The following ATP2B1 variants were observed in gnomAD, a reference collection of about 807,000 sequenced individuals.
ATP2B1 encodes plasma membrane calcium-transporting ATPase 1.
A neutral mutation model predicts 124.2 loss-of-function variants in ATP2B1; 14 were observed. That is an observed-to-expected ratio of 0.11 (90% confidence interval 0.07 to 0.18). ATP2B1 has a LOEUF of 0.18. Among genes scored for constraint, ATP2B1 ranks in the 10% least tolerant of loss-of-function variants. ATP2B1 has a pLI of 1.00. For synonymous variants in ATP2B1, 449 were observed against 492.4 expected (o/e 0.91, Z 1.17); for missense variants, 763 against 1,466.1 (o/e 0.52, Z 7.83).
chr12:89,626,700 T>A, intron 7 of ATP2B1, 85 bp from the exon 8 acceptor site: 1 of 1,446,642 alleles, frequency 6.9e-7, no homozygotes, highest in East Asian at 2.4e-5. Context: ...AAAAATCAGT[T>A]TCTTACAGAA....
At chr12:89,608,994 C>G (rs1240894188) in intron 15 of ATP2B1, among the ~76,000 whole-genome samples, 1 of 152,176 alleles carries the variant, frequency 6.6e-6, no homozygotes, top group African/African-American at 2.4e-5. Flanking sequence ...CTTTCCTCAT[C>G]TCTCTCACTC....
chr12:89,634,764 A>C lies in ATP2B1; in HGVS notation c.787+14T>G. 6.4e-7 allele frequency: 1 copy of C among 1,571,334 alleles called. No homozygotes were observed. Among genetic ancestry groups the C allele is most frequent in the South Asian group, 1.2e-5 (1 of 84,416 alleles). On this transcript the variant is annotated intron_variant, in intron 5 of 20. Transcript: ENST00000428670. ...AAAGAGGAAAGTGTTCAAAGATATA[A>C]ATGAAATTTTTACCTGATAGAAGTA...
At chr12:89,653,925 G>C (rs1014661062) in intron 2 of ATP2B1, among the ~76,000 whole-genome samples, 4 of 152,206 alleles carry the variant, frequency 2.6e-5, no homozygotes, top group Non-Finnish European at 5.9e-5. Flanking sequence ...CTGGTTAGGG[G>C]AAGTACAGTT....
chr12:89,603,790 T>C lies in ATP2B1; in HGVS notation c.2770A>G (p.Ile924Val), dbSNP rs748844196. The change falls in exon 17 of 21, where the codon ATC becomes GTC. Residue 924 changes from isoleucine to valine, a missense_variant. Physicochemically the swap from Ile to Val is conservative, Grantham distance 29. Coordinates refer to ENST00000428670, the MANE Select transcript of ATP2B1 (RefSeq NM_001366521.1). The surrounding 1 kb of genome is among the most constrained non-coding windows in gnomAD (Gnocchi z 4.3). ...ATATTCTTCATCATTGTACGTGAGA[T>C]GAGAGGCTTATTTCTACCATAAGGT... Reference protein sequence around the residue: ...RKPYGRNKPLISRTMMKNILG... With the variant: ...RKPYGRNKPLVSRTMMKNILG... 6.2e-7 allele frequency: 1 copy of C among 1,614,156 alleles called. No homozygotes were observed. The highest frequency in any genetic ancestry group is 8.5e-7 in the Non-Finnish European group (1 of 1,180,004).
chr12:89,664,438 T>C (rs759284561), intron 1 of ATP2B1, among the ~76,000 whole-genome samples: 28 of 152,232 alleles, frequency 1.8e-4, no homozygotes, highest in Admixed American at 3.3e-4. Context: ...GTTGGTATCA[T>C]CTTATCCCAA....
rs534696687 is a variant in ATP2B1 at position 89,609,615 on chromosome 12, T to C, written c.2442+322A>G. Among the ~76,000 whole-genome samples the C allele has an allele frequency of 3.9e-5, 6 of 152,300 alleles. No homozygotes were observed. The South Asian group carries it at 1.2e-3, about 32-fold the overall frequency. ...TTAATTTAAATACACACAACTATTCTAAGCCTGTGTCCTGCATTAAAGGGT... is the reference window on the plus strand; with the variant it reads ...TTAATTTAAATACACACAACTATTCCAAGCCTGTGTCCTGCATTAAAGGGT... On this transcript the variant is annotated intron_variant, in intron 15 of 20. Transcript: ENST00000428670.
intron 10 of ATP2B1, 148 bp from the exon 11 acceptor site, chr12:89,620,388 G>C: frequency 9.9e-7 from 1 of 1,006,470 alleles, no homozygotes. Flanking sequence ...GAAAAGTAAG[G>C]TAGAAAGGAG....
intron 2 of ATP2B1, among the ~76,000 whole-genome samples, chr12:89,654,651 A>G (rs1289080396): frequency 6.6e-6 from 1 of 152,196 alleles, no homozygotes; most frequent in Non-Finnish European, 1.5e-5. Context: ...CAAAGGTTTT[A>G]AAGAATTTTT....
In ATP2B1 at chr12:89,603,125, A is replaced by G. The variant is rs377272508; in HGVS notation, c.2978T>C (p.Ile993Thr). Residue 993 changes from isoleucine to threonine, a missense_variant, in exon 18 of 21, where the codon ATT becomes ACT. Ile to Thr is a moderately conservative substitution (Grantham distance 89, BLOSUM62 -1). This residue lies in a region of ATP2B1 where 118 missense variants were observed against 240.3 expected (regional missense o/e 0.49). Coordinates refer to ENST00000428670, the MANE Select transcript of ATP2B1 (RefSeq NM_001366521.1). The surrounding 1 kb of genome is among the most constrained non-coding windows in gnomAD (Gnocchi z 4.3). ...TTCGAATACATTTCTTTCACCATGAATTTTCCGGGCATTTATTTCGTTGAA... is the reference window on the plus strand; with the variant it reads ...TTCGAATACATTTCTTTCACCATGAGTTTTCCGGGCATTTATTTCGTTGAA... Reference protein sequence around the residue: ...QLFNEINARKIHGERNVFEGI... With the variant: ...QLFNEINARKTHGERNVFEGI... 6.2e-7 allele frequency: 1 copy of G among 1,613,828 alleles called. No homozygotes were observed. The highest frequency in any genetic ancestry group is 8.5e-7 in the Non-Finnish European group (1 of 1,179,922).
intron 1 of ATP2B1, among the ~76,000 whole-genome samples, chr12:89,702,736 T>C (rs1892000967): frequency 6.6e-6 from 1 of 152,178 alleles, no homozygotes; most frequent in African/African-American, 2.4e-5. Flanking sequence ...ACTACCTTTA[T>C]TTGTTCCCTC....
chr12:89,626,674 A>G, intron 7 of ATP2B1, 59 bp from the exon 8 acceptor site: 1 of 1,497,166 alleles, frequency 6.7e-7, no homozygotes, highest in Non-Finnish European at 8.9e-7. Context: ...CACTATTAAC[A>G]TTTTAAAGAA....
chr12:89,693,179 A>AG (rs1890734371), intron 1 of ATP2B1, among the ~76,000 whole-genome samples: 1 of 152,196 alleles, frequency 6.6e-6, no homozygotes, highest in Non-Finnish European at 1.5e-5. Context: ...GCAATGCCTT[A>AG]TCAAAGAACT....
chr12:89,591,679 A>C (rs1452726363), intron 20 of ATP2B1, among the ~76,000 whole-genome samples: 1 of 152,016 alleles, frequency 6.6e-6, no homozygotes, highest in Non-Finnish European at 1.5e-5. Context: ...TTTGAAAACA[A>C]CTCAAATAAG....
chr12:89,656,078 T>C lies in ATP2B1; in HGVS notation c.-192A>G, dbSNP rs1885918392. On this transcript the variant is annotated 5_prime_UTR_variant, in exon 2 of 21. Coordinates refer to ENST00000428670, the MANE Select transcript of ATP2B1 (RefSeq NM_001366521.1). ...TCTTGACCTTTGGCCCATGACTAGT[T>C]TCTCCATATCAATCATGAGATATAC... The C allele has an allele frequency of 5.5e-6, 3 of 542,372 alleles. No homozygotes were observed. The South Asian group carries it at 9.8e-5, about 18-fold the overall frequency. The allele number at this position is 542,372 out of a possible 1,614,324, so 33.6% of individuals were successfully genotyped here. A position where few individuals can be genotyped will look rare whatever the true frequency, so the allele number is the denominator to read the frequency against.
rs1004865393 is a variant in ATP2B1, at chr12:89,603,581, G to T, written c.2848+131C>A. ...TTACTAAGCACTCACTGATTAAGAAGAAATTAAAGATAAATGGGAAGTCAG... is the reference window on the plus strand; with the variant it reads ...TTACTAAGCACTCACTGATTAAGAATAAATTAAAGATAAATGGGAAGTCAG... On this transcript the variant is annotated intron_variant, in intron 17 of 20. Transcript: ENST00000428670. The surrounding 1 kb of genome is among the most constrained non-coding windows in gnomAD (Gnocchi z 4.3). 6 of 931,298 alleles carry T rather than the reference G, an allele frequency of 6.4e-6. No individual in the cohort carries two copies. The highest frequency in any genetic ancestry group is 9.6e-6 in the Non-Finnish European group (6 of 627,584). The allele number at this position is 931,298 out of a possible 1,614,324, so 57.7% of individuals were successfully genotyped here. A position where few individuals can be genotyped will look rare whatever the true frequency, so the allele number is the denominator to read the frequency against.
chr12:89,661,332 A>T (rs1229051867), intron 1 of ATP2B1, among the ~76,000 whole-genome samples: 1 of 152,196 alleles, frequency 6.6e-6, no homozygotes, highest in Non-Finnish European at 1.5e-5. Flanking sequence ...CTATTTTAAA[A>T]AGACTTTTCT....
chr12:89,662,137 CTTT>C (rs74395562), intron 1 of ATP2B1, among the ~76,000 whole-genome samples: 5 of 139,160 alleles, frequency 3.6e-5, no homozygotes, highest in Admixed American at 7.3e-5. Context: ...ATCTTTCTTT[CTTT>C]TTTTTTTTTT....
intron 1 of ATP2B1, among the ~76,000 whole-genome samples, chr12:89,691,699 C>G (rs1441430498): frequency 6.6e-6 from 1 of 152,104 alleles, no homozygotes; most frequent in East Asian, 1.9e-4. Context: ...GATTTGCAAA[C>G]AGATAAACTT....
intron 1 of ATP2B1, among the ~76,000 whole-genome samples, chr12:89,691,394 T>C (rs1890541687): frequency 6.6e-6 from 1 of 152,154 alleles, no homozygotes; most frequent in Admixed American, 6.6e-5. Context: ...GTTATTAGTA[T>C]GATACTCAAA....
Sources: allele counts gnomAD v4.1 joint callset (sites outside exome capture counted in the v4.1 genomes callset), GRCh38; gene constraint gnomAD v4.1.1; regional missense constraint gnomAD v4.1.1; non-coding constraint Gnocchi (gnomAD v3.1); transcripts MANE v1.5; gene names NCBI Gene and HGNC (gene_info 2026-07-23, HGNC 2026-07-21).